TENM2: variants seen among roughly 807,000 people sequenced by gnomAD.
TENM2 encodes the protein teneurin transmembrane protein 2.
In TENM2, 52 loss-of-function variants were observed where a neutral mutation model predicts 245.2. The observed-to-expected ratio is 0.21, with a 90% CI of 0.17 to 0.27. TENM2 has a LOEUF of 0.27. Among genes scored for constraint, TENM2 ranks in the 10% least tolerant of loss-of-function variants. The pLI is 1.00. For missense variants in TENM2, 3,046 were observed against 3,666.8 expected, an observed-to-expected ratio of 0.83 and a Z score of 4.37; for synonymous variants, 1,363 against 1,438.9, an observed-to-expected ratio of 0.95 and a Z score of 1.19.
chr5:167,230,990 G>T, the TENM2 span, among the ~76,000 whole-genome samples: 1 of 152,056 alleles, frequency 6.6e-6, no homozygotes, highest in Non-Finnish European at 1.5e-5. Context: ...GAGATCTGAT[G>T]GTTTTATTAC....
At chr5:167,770,331 G>A (rs1222361864) in intron 2 of TENM2, among the ~76,000 whole-genome samples, 2 of 152,118 alleles carry the variant, frequency 1.3e-5, no homozygotes, top group Admixed American at 1.3e-4. Flanking sequence ...TTAGACAGGT[G>A]GCAAGTTAGA....
At chr5:168,047,041 C>G (rs1448682581) in intron 5 of TENM2, among the ~76,000 whole-genome samples, 3 of 152,146 alleles carry the variant, frequency 2.0e-5, no homozygotes. Flanking sequence ...TGCCCCTAGA[C>G]TAACAGTCTA....
intron 2 of TENM2, among the ~76,000 whole-genome samples, chr5:167,438,034 C>T (rs779889563): frequency 2.6e-5 from 4 of 152,158 alleles, no homozygotes; most frequent in African/African-American, 4.8e-5. Context: ...ATTTAATAAT[C>T]ATTACTTATT....
chr5:167,155,319 A>G, the TENM2 span, among the ~76,000 whole-genome samples: 1 of 152,054 alleles, frequency 6.6e-6, no homozygotes, highest in Admixed American at 6.5e-5. Context: ...ACAAGCCTCC[A>G]CTCCACTCCC....
At chr5:168,208,006 G>T (rs2152545578) in intron 19 of TENM2, among the ~76,000 whole-genome samples, 1 of 152,266 alleles carries the variant, frequency 6.6e-6, no homozygotes, top group African/African-American at 2.4e-5. Context: ...ATCTTTACTA[G>T]TCCAGTTCCC....
the TENM2 span, among the ~76,000 whole-genome samples, chr5:167,159,242 C>T: frequency 1.3e-5 from 2 of 151,462 alleles, no homozygotes; most frequent in Non-Finnish European, 2.9e-5. Context: ...TGTGCCTGGC[C>T]CCATAGCAGT....
chr5:167,388,302 C>T (rs886780743), intron 2 of TENM2, among the ~76,000 whole-genome samples: 3 of 151,714 alleles, frequency 2.0e-5, no homozygotes, highest in African/African-American at 2.4e-5. Context: ...TTATGCATAG[C>T]GTTCATAGTA....
At chr5:167,765,819 A>C (rs1171996875) in intron 2 of TENM2, among the ~76,000 whole-genome samples, 1 of 152,176 alleles carries the variant, frequency 6.6e-6, no homozygotes, top group Non-Finnish European at 1.5e-5. Flanking sequence ...CTCAGAACCG[A>C]GTGATGTTGT....
intron 2 of TENM2, among the ~76,000 whole-genome samples, chr5:167,470,018 A>G (rs1214753739): frequency 6.6e-6 from 1 of 152,164 alleles, no homozygotes; most frequent in Non-Finnish European, 1.5e-5. Context: ...ATTTCTCTTT[A>G]CGAGTTGAAT....
chr5:167,090,776 A>G, the TENM2 span, among the ~76,000 whole-genome samples: 1 of 152,194 alleles, frequency 6.6e-6, no homozygotes, highest in African/African-American at 2.4e-5. Context: ...TTAAAACACA[A>G]TATACTTCTT....
chr5:167,298,297 T>C (rs1330332527), intron 1 of TENM2, among the ~76,000 whole-genome samples: 2 of 152,294 alleles, frequency 1.3e-5, no homozygotes, highest in Non-Finnish European at 2.9e-5. Flanking sequence ...GGATATGGTT[T>C]TGTATGAATT....
At chr5:167,956,730 CAT>C (rs770878157) in intron 4 of TENM2, among the ~76,000 whole-genome samples, 2 of 152,142 alleles carry the variant, frequency 1.3e-5, no homozygotes, top group Non-Finnish European at 2.9e-5. Context: ...TTGAGATAAT[CAT>C]GTGGTTTTTG....
At chr5:167,165,070 T>C in the TENM2 span, 1 of 152,194 alleles carries the variant, frequency 6.6e-6, no homozygotes, top group South Asian at 2.1e-4. Flanking sequence ...TCTTTTGGAG[T>C]GCGTTGAATA....
At chr5:168,131,110 C>T (rs1021713457) in intron 12 of TENM2, among the ~76,000 whole-genome samples, 7 of 152,060 alleles carry the variant, frequency 4.6e-5, no homozygotes, top group African/African-American at 1.7e-4. Flanking sequence ...TTTGCATTGC[C>T]GGGGAATCAA....
intron 19 of TENM2, among the ~76,000 whole-genome samples, chr5:168,210,788 G>A (rs1762749438): frequency 1.3e-5 from 2 of 152,120 alleles, no homozygotes; most frequent in African/African-American, 4.8e-5. Context: ...CAACTGAAAG[G>A]GAAAGAGGGG....
the TENM2 span, among the ~76,000 whole-genome samples, chr5:167,172,041 C>T: frequency 6.6e-6 from 1 of 152,156 alleles, no homozygotes; most frequent in Non-Finnish European, 1.5e-5. Flanking sequence ...ATAGGGTAAC[C>T]TCTATACCAT....
chr5:168,066,718 C>A (rs1790537524), intron 7 of TENM2, among the ~76,000 whole-genome samples: 1 of 152,148 alleles, frequency 6.6e-6, no homozygotes, highest in Non-Finnish European at 1.5e-5. Context: ...CAATCTGAGT[C>A]ATTCTTAGCC....
At chr5:168,049,624 A>G (rs1432784736) in intron 6 of TENM2, among the ~76,000 whole-genome samples, 2 of 152,166 alleles carry the variant, frequency 1.3e-5, no homozygotes, top group Non-Finnish European at 2.9e-5. Flanking sequence ...AGAGTACAAG[A>G]GTATGCGTCT....
chr5:167,910,671 A>G (rs1776475666), intron 3 of TENM2, among the ~76,000 whole-genome samples: 1 of 152,198 alleles, frequency 6.6e-6, no homozygotes, highest in Admixed American at 6.5e-5. Context: ...CTACAGTTTT[A>G]CTATTATTAA....
Sources: gnomAD v4.1 joint callset for allele counts (sites outside exome capture counted in the v4.1 genomes callset) on GRCh38, gnomAD v4.1.1 for gene constraint, MANE v1.5 for transcripts, NCBI Gene and HGNC (gene_info 2026-07-23, HGNC 2026-07-21) for gene names.